The following ZNF320 variants were observed in gnomAD, a reference collection of about 807,000 sequenced individuals.
The protein encoded by ZNF320 is zinc finger gene 320.
A neutral mutation model predicts 6.8 loss-of-function variants in ZNF320; 2 were observed. The ratio of observed to expected loss-of-function variants is 0.29; its 90% CI spans 0.12 to 0.93. The LOEUF is 0.93. Among genes scored for constraint, ZNF320 ranks in the 40% least tolerant of loss-of-function variants. The pLI, the probability that ZNF320 is intolerant of heterozygous loss-of-function variation, is 0.55. For missense variants in ZNF320, 472 were observed against 611.0 expected, an observed-to-expected ratio of 0.77 and a Z score of 2.40; for synonymous variants, 208 against 203.2, an observed-to-expected ratio of 1.02 and a Z score of -0.20.
intron 5 of ZNF320, among the ~76,000 whole-genome samples, chr19:52,882,679 G>A (rs111443310): frequency 0.068 from 10,302 of 152,178 alleles, 525 homozygotes; most frequent in African/African-American, 0.14. Context: ...GTGGTGGCTC[G>A]CGCCTGTGAT....
intron 1 of ZNF320, 143 bp from the exon 2 acceptor site, chr19:52,893,999 C>T (rs898947143): frequency 2.6e-5 from 4 of 152,144 alleles, no homozygotes; most frequent in African/African-American, 9.7e-5. Context: ...TTATGACGAA[C>T]TACACAGAAA....
chr19:52,870,043 G>T (rs1033270271), intron 5 of ZNF320, among the ~76,000 whole-genome samples: 1 of 151,158 alleles, frequency 6.6e-6, no homozygotes, highest in Non-Finnish European at 1.5e-5. Context: ...GTAGAGACAG[G>T]GTTTCACCAT....
chr19:52,866,043 CAT>C (rs569198239), intron 5 of ZNF320, among the ~76,000 whole-genome samples: 5 of 126,548 alleles, frequency 4.0e-5, no homozygotes, highest in Admixed American at 8.8e-5. Flanking sequence ...TATGATTATA[CAT>C]ATATATGATT....
Position 52,881,602 on chromosome 19 carries a change from T to C in ZNF320, c.524A>G (p.His175Arg), listed in dbSNP as rs953484362. The C allele has an allele frequency of 1.2e-6, 2 of 1,614,058 alleles. No individual in the cohort carries two copies. Among genetic ancestry groups the C allele is most frequent in the Non-Finnish European group, 8.5e-7 (1 of 1,179,920 alleles). Reference sequence around the variant, plus strand: ...ATGAATTATCCTATGTATTTCAAGATGTGATTTGCAACTGAAAACTTTCTC... The same window carrying C: ...ATGAATTATCCTATGTATTTCAAGACGTGATTTGCAACTGAAAACTTTCTC... Reference protein sequence around the residue: ...ECEKVFSCKSHLEIHRIIHTG... With the variant: ...ECEKVFSCKSRLEIHRIIHTG... The change falls in exon 6 of 6, where the codon CAT (histidine) becomes CGT (arginine). Residue 175 changes from histidine (H) to arginine (R), a missense_variant. Physicochemically the swap from His to Arg is conservative, Grantham distance 29 (BLOSUM62 0). Around this residue, in one of 2 missense-constraint regions of ZNF320, gnomAD observed 462 missense variants for 559.7 expected, o/e 0.83. Coordinates refer to ENST00000682928, the MANE Select transcript of ZNF320 (RefSeq NM_001351774.2).
At chr19:52,886,096 GAGA>G (rs1285738379) in intron 5 of ZNF320, among the ~76,000 whole-genome samples, 2 of 147,150 alleles carry the variant, frequency 1.4e-5, no homozygotes, top group East Asian at 2.1e-4. Flanking sequence ...AGTTCTACTG[GAGA>G]AGAAGTAGTT....
At chr19:52,885,851 T>C (rs34736575) in intron 5 of ZNF320, among the ~76,000 whole-genome samples, 23,716 of 151,998 alleles carry the variant, frequency 0.16, 1,941 homozygotes, top group East Asian at 0.27. Flanking sequence ...GGTTGTGGTG[T>C]CAAGATTGCA....
chr19:52,873,874 G>A, downstream of ZNF320: 2 of 311,866 alleles, frequency 6.4e-6, no homozygotes, highest in Non-Finnish European at 1.3e-5. Context: ...AGGCATGGGT[G>A]AGTGTGAGCA....
exon 6 of ZNF320, chr19:52,862,510 C>T: frequency 2.8e-6 from 1 of 357,400 alleles, no homozygotes; most frequent in Non-Finnish European, 5.6e-6. Context: ...TGTAAGATCT[C>T]TCTTCATTAT....
At chr19:52,868,573 G>A (rs573008049) in intron 5 of ZNF320, among the ~76,000 whole-genome samples, 11 of 151,934 alleles carry the variant, frequency 7.2e-5, no homozygotes, top group Middle Eastern at 3.4e-3. Flanking sequence ...AAGTACAGCA[G>A]GCCCACAGTG....
intron 2 of ZNF320, 21 bp from the exon 3 acceptor site, chr19:52,891,367 A>AACCT (rs2064284379): frequency 6.6e-6 from 1 of 151,958 alleles, no homozygotes; most frequent in Non-Finnish European, 1.5e-5. Flanking sequence ...AAGAGAAAAA[A>AACCT]AAAAGCGTTT....
At position 52,881,589 on chromosome 19, in the gene ZNF320, A is replaced by G. The variant is rs372614819; in HGVS notation, c.537T>C (p.His179=). 33 of 1,613,974 alleles carry G rather than the reference A, an allele frequency of 2.0e-5. No individual in the cohort carries two copies. In the African/African-American group the frequency reaches 2.3e-4, roughly 11 times the overall value. Residue 179 remains histidine, a synonymous_variant, in exon 6 of 6, where the codon CAT becomes CAC. Transcript: ENST00000682928. ...GTTTCTCTCCAGTATGAATTATCCTATGTATTTCAAGATGTGATTTGCAAC... is the reference window on the plus strand; with the variant it reads ...GTTTCTCTCCAGTATGAATTATCCTGTGTATTTCAAGATGTGATTTGCAAC... The part of the protein sequence containing the change: ...VFSCKSHLEI[H]RIIHTGEKPY...
exon 6 of ZNF320, among the ~76,000 whole-genome samples, chr19:52,860,909 C>T (rs1471053320): frequency 1.3e-5 from 2 of 152,116 alleles, no homozygotes; most frequent in Non-Finnish European, 2.9e-5. Context: ...TGCACCACAG[C>T]GTTCTAAGCA....
intron 3 of ZNF320, 92 bp from the exon 4 acceptor site, chr19:52,890,420 G>T: frequency 9.5e-7 from 1 of 1,057,118 alleles, no homozygotes; most frequent in Non-Finnish European, 1.3e-6. Context: ...CTCACCCTGG[G>T]AAATATGGTC....
At chr19:52,863,058 C>T (rs1473009683) in exon 6 of ZNF320, among the ~76,000 whole-genome samples, 4 of 152,108 alleles carry the variant, frequency 2.6e-5, no homozygotes, top group African/African-American at 9.7e-5. Context: ...CTCCTGGGCT[C>T]AAGCGATTCT....
intron 5 of ZNF320, among the ~76,000 whole-genome samples, chr19:52,867,004 G>A (rs906341425): frequency 6.6e-6 from 1 of 151,472 alleles, no homozygotes; most frequent in African/African-American, 2.4e-5. Flanking sequence ...TAGTTATCTA[G>A]TTCACTATGC....
intron 5 of ZNF320, among the ~76,000 whole-genome samples, chr19:52,867,921 G>A (rs2063606604): frequency 6.6e-6 from 1 of 151,780 alleles, no homozygotes; most frequent in Admixed American, 6.6e-5. Context: ...CATTTTTTTT[G>A]TTCAGTAGAT....
exon 6 of ZNF320, chr19:52,861,709 A>T: frequency 3.9e-6 from 1 of 254,186 alleles, no homozygotes; most frequent in Non-Finnish European, 8.4e-6. Flanking sequence ...TGCTGAATTG[A>T]CTCTAATGAC....
exon 6 of ZNF320, chr19:52,863,644 C>T (rs907123369): frequency 3.3e-5 from 5 of 151,978 alleles, no homozygotes; most frequent in African/African-American, 1.2e-4. Context: ...ATATGGGAAT[C>T]TCATTCAACC....
chr19:52,885,418 C>A (rs2064045005), intron 5 of ZNF320, among the ~76,000 whole-genome samples: 2 of 151,548 alleles, frequency 1.3e-5, no homozygotes, highest in Admixed American at 6.6e-5. Context: ...CCTGTCTCTA[C>A]CAAAAATACA....
Sources: gnomAD v4.1 joint callset for allele counts (sites outside exome capture counted in the v4.1 genomes callset) on GRCh38, gnomAD v4.1.1 for gene constraint, gnomAD v4.1.1 regional missense constraint, MANE v1.5 for transcripts, NCBI Gene and HGNC (gene_info 2026-07-23, HGNC 2026-07-21) for gene names.